SDK1: variants seen among roughly 807,000 people sequenced by gnomAD.
SDK1 encodes the protein sidekick cell adhesion molecule 1.
Under a neutral mutation model 245.5 loss-of-function variants are expected in SDK1, and 157 were observed. That is an observed-to-expected ratio of 0.64 (90% CI 0.56 to 0.73). SDK1 has a LOEUF of 0.73. SDK1 is among the 30% of genes least tolerant of loss of function. SDK1 has a pLI of 0.00. For synonymous variants in SDK1, 1,647 were observed against 1,278.5 expected (o/e 1.29, Z -6.15); for missense variants, 3,583 against 3,002.3 (o/e 1.19, Z -4.52).
At chr7:3,551,819 G>T (rs984221844) in intron 1 of SDK1, among the ~76,000 whole-genome samples, 1 of 151,898 alleles carries the variant, frequency 6.6e-6, no homozygotes, top group African/African-American at 2.4e-5. Context: ...GAGATTACAG[G>T]CATGAGCCAC....
intron 23 of SDK1, 87 bp from the exon 24 acceptor site, chr7:4,113,202 T>G (rs2128191361): frequency 3.6e-4 from 516 of 1,414,338 alleles, no homozygotes; most frequent in Non-Finnish European, 4.4e-4. Context: ...AGCCCTCCCT[T>G]GAGAAACAGT....
intron 5 of SDK1, among the ~76,000 whole-genome samples, chr7:3,922,809 G>A (rs894760135): frequency 6.6e-6 from 1 of 152,176 alleles, no homozygotes; most frequent in Admixed American, 6.5e-5. Flanking sequence ...CCAAGTCGGG[G>A]AAGTTTTTCC....
At position 3,619,071 on chromosome 7, in the gene SDK1, A is replaced by C; in HGVS notation, c.299-9A>C. ...CAGTTTTGTTTTGTTTTGTTTTTTA[A>C]TATTTCAGATGATGTTGCTCCATAT... is the stretch of plus-strand genomic sequence containing the variant. On this transcript the variant is annotated splice_polypyrimidine_tract_variant and intron_variant, in intron 1 of 44. Coordinates refer to ENST00000404826, the MANE Select transcript of SDK1 (RefSeq NM_152744.4). 6.4e-7 allele frequency: 1 copy of C among 1,556,216 alleles called. No individual in the cohort carries two copies. Among genetic ancestry groups the C allele is most frequent in the East Asian group, 2.4e-5 (1 of 42,282 alleles).
chr7:3,355,750 A>G (rs968460482), intron 1 of SDK1, among the ~76,000 whole-genome samples: 1 of 152,208 alleles, frequency 6.6e-6, no homozygotes, highest in Non-Finnish European at 1.5e-5. Flanking sequence ...AATAGCCTCT[A>G]AACTCATCTA....
At chr7:4,233,989 G>A (rs1482094521) in intron 41 of SDK1, among the ~76,000 whole-genome samples, 1 of 152,200 alleles carries the variant, frequency 6.6e-6, no homozygotes, top group African/African-American at 2.4e-5. Context: ...AAAATCATTC[G>A]CAAGGAAAGC....
rs574716850 is a variant in SDK1 at position 3,348,378 on chromosome 7, A to G, written c.298+46494A>G. 3.0e-4 allele frequency among the ~76,000 whole-genome samples: 45 copies of G among 152,320 alleles called. 1 individual carries two copies. The highest frequency in any genetic ancestry group is 8.9e-4 in the African/African-American group (37 of 41,580). ...ATACATCATGGACTACTATGCAGCC[A>G]TAAAAAGGAACAAAATCATGTCATT... On this transcript the variant is annotated intron_variant, in intron 1 of 44. Coordinates refer to ENST00000404826, the MANE Select transcript of SDK1 (RefSeq NM_152744.4).
intron 1 of SDK1, among the ~76,000 whole-genome samples, chr7:3,521,279 T>A (rs979531038): frequency 2.6e-5 from 4 of 152,180 alleles, no homozygotes; most frequent in Admixed American, 1.3e-4. Flanking sequence ...GTGATTAGAT[T>A]GGGGCCAGCC....
chr7:3,848,895 C>T (rs1195635425), intron 5 of SDK1, among the ~76,000 whole-genome samples: 1 of 152,180 alleles, frequency 6.6e-6, no homozygotes, highest in Non-Finnish European at 1.5e-5. Context: ...TGGTCTCGAA[C>T]TCCTGACCTT....
At chr7:3,806,718 A>C (rs537580835) in intron 4 of SDK1, among the ~76,000 whole-genome samples, 11 of 152,248 alleles carry the variant, frequency 7.2e-5, no homozygotes, top group Non-Finnish European at 1.3e-4. Flanking sequence ...GAGGAGATGA[A>C]TGGAGCAATT....
chr7:3,425,300 T>A (rs1355257180), intron 1 of SDK1, among the ~76,000 whole-genome samples: 1 of 152,184 alleles, frequency 6.6e-6, no homozygotes, highest in Non-Finnish European at 1.5e-5. Context: ...CCTTATCTGT[T>A]GAGGACTTTT....
At chr7:3,474,766 C>T (rs1030240663) in intron 1 of SDK1, among the ~76,000 whole-genome samples, 4 of 152,194 alleles carry the variant, frequency 2.6e-5, no homozygotes, top group Non-Finnish European at 5.9e-5. Context: ...TCATAGCTCA[C>T]TGCAGGCTGG....
At chr7:4,108,948 G>C (rs1783141482) in intron 22 of SDK1, among the ~76,000 whole-genome samples, 1 of 152,180 alleles carries the variant, frequency 6.6e-6, no homozygotes, top group Admixed American at 6.5e-5. Context: ...GGTCAGGCTT[G>C]CTTAGCTTTC....
intron 4 of SDK1, among the ~76,000 whole-genome samples, chr7:3,800,562 T>A (rs6945271): frequency 0.094 from 14,283 of 151,912 alleles, 1,116 homozygotes; most frequent in African/African-American, 0.22. Flanking sequence ...TTTGTATTTT[T>A]ACTAGAGACG....
chr7:3,972,942 G>A (rs918190679), intron 12 of SDK1, among the ~76,000 whole-genome samples: 5 of 152,174 alleles, frequency 3.3e-5, no homozygotes, highest in African/African-American at 7.2e-5. Flanking sequence ...CCCTGGAGAC[G>A]GTCGTCAGGC....
intron 4 of SDK1, among the ~76,000 whole-genome samples, chr7:3,673,556 G>A (rs1783786987): frequency 6.6e-6 from 1 of 152,164 alleles, no homozygotes; most frequent in South Asian, 2.1e-4. Context: ...TATTACATGA[G>A]TTTATTAACA....
chr7:4,114,583 G>T (rs1455796705), intron 25 of SDK1, among the ~76,000 whole-genome samples: 1 of 152,196 alleles, frequency 6.6e-6, no homozygotes, highest in Non-Finnish European at 1.5e-5. Flanking sequence ...TTCCTATGGG[G>T]AATCTTTAAA....
At chr7:4,108,754 C>T (rs969579397) in intron 22 of SDK1, among the ~76,000 whole-genome samples, 8 of 152,044 alleles carry the variant, frequency 5.3e-5, no homozygotes, top group Admixed American at 2.0e-4. Context: ...GCTGTGCAAC[C>T]ACCACATCTG....
At chr7:3,670,974 C>T (rs994096904) in intron 4 of SDK1, among the ~76,000 whole-genome samples, 21 of 152,052 alleles carry the variant, frequency 1.4e-4, no homozygotes, top group African/African-American at 4.8e-4. Context: ...CATCCTGTAA[C>T]TTTTTTTTGC....
At chr7:3,362,615 G>T (rs1034786393) in intron 1 of SDK1, among the ~76,000 whole-genome samples, 1 of 151,992 alleles carries the variant, frequency 6.6e-6, no homozygotes, top group African/African-American at 2.4e-5. Flanking sequence ...AAATGTACAA[G>T]ATTTAAAATT....
Sources: gnomAD v4.1 joint callset for allele counts (sites outside exome capture counted in the v4.1 genomes callset) on GRCh38, gnomAD v4.1.1 for gene constraint, MANE v1.5 for transcripts, NCBI Gene and HGNC (gene_info 2026-07-23, HGNC 2026-07-21) for gene names.